PRKAR2A: variants seen among roughly 807,000 people sequenced by gnomAD.
The protein encoded by PRKAR2A is cAMP-dependent protein kinase type II-alpha regulatory subunit.
In PRKAR2A, 29 loss-of-function variants were observed where a neutral mutation model predicts 51.9. The ratio of observed to expected loss-of-function variants is 0.56; its 90% confidence interval spans 0.42 to 0.76. PRKAR2A has a LOEUF of 0.76. Among genes scored for constraint, PRKAR2A ranks in the 30% least tolerant of loss-of-function variants. The pLI, the probability that PRKAR2A is intolerant of heterozygous loss-of-function variation, is 0.00. For missense variants in PRKAR2A, 445 were observed against 512.1 expected, an observed-to-expected ratio of 0.87 and a Z score of 1.26; for synonymous variants, 178 against 186.2, an observed-to-expected ratio of 0.96 and a Z score of 0.36.
chr3:48,779,899 T>G (rs1255398386), intron 5 of PRKAR2A, among the ~76,000 whole-genome samples: 7 of 151,674 alleles, frequency 4.6e-5, no homozygotes, highest in Non-Finnish European at 1.5e-5. Context: ...CGGTGGCTCA[T>G]GCCTGTAATC....
chr3:48,792,455 C>CTTTTT (rs983032500), intron 3 of PRKAR2A, among the ~76,000 whole-genome samples: 27 of 66,824 alleles, frequency 4.0e-4, no homozygotes, highest in African/African-American at 5.6e-4. Context: ...AAGGTTTAAT[C>CTTTTT]TTTTTTTTTT....
intron 1 of PRKAR2A, among the ~76,000 whole-genome samples, chr3:48,829,539 G>A (rs1212235533): frequency 2.1e-5 from 3 of 142,624 alleles, no homozygotes; most frequent in Non-Finnish European, 3.1e-5. Context: ...AAATAAATAA[G>A]AAAAAAATAT....
At chr3:48,783,209 C>A (rs1366536504) in intron 4 of PRKAR2A, 117 bp from the exon 5 acceptor site, 8 of 678,510 alleles carry the variant, frequency 1.2e-5, no homozygotes, top group Non-Finnish European at 2.0e-5. Context: ...CAAGCAGAAA[C>A]CTAAAGGTTG....
chr3:48,767,043 A>C (rs931960434), intron 6 of PRKAR2A, among the ~76,000 whole-genome samples: 2 of 152,236 alleles, frequency 1.3e-5, no homozygotes, highest in Non-Finnish European at 2.9e-5. Flanking sequence ...ATATGTGTAC[A>C]CATGTGCAGG....
At chr3:48,779,862 T>C (rs1439882908) in intron 5 of PRKAR2A, among the ~76,000 whole-genome samples, 7 of 151,306 alleles carry the variant, frequency 4.6e-5, no homozygotes, top group Non-Finnish European at 7.4e-5. Context: ...TTTATAATTT[T>C]ATTTTAAAAC....
At chr3:48,831,727 ATG>A (rs2083191338) in intron 1 of PRKAR2A, among the ~76,000 whole-genome samples, 2 of 151,524 alleles carry the variant, frequency 1.3e-5, no homozygotes, top group African/African-American at 4.9e-5. Context: ...AGAAATTCTC[ATG>A]TCTCAGCCTC....
intron 6 of PRKAR2A, among the ~76,000 whole-genome samples, chr3:48,768,342 T>TAGATAGAC (rs766853501): frequency 1.3e-5 from 2 of 148,984 alleles, no homozygotes; most frequent in East Asian, 4.0e-4. Context: ...GATAGATAGA[T>TAGATAGAC]ATAGACAGAC....
intron 1 of PRKAR2A, among the ~76,000 whole-genome samples, chr3:48,835,639 C>CA (rs760971706): frequency 0.079 from 3,804 of 48,130 alleles, 108 homozygotes; most frequent in African/African-American, 0.096. Context: ...GACTCCGTCT[C>CA]AAAAAAAAAA....
At chr3:48,832,093 A>G (rs2083198150) in intron 1 of PRKAR2A, among the ~76,000 whole-genome samples, 1 of 152,092 alleles carries the variant, frequency 6.6e-6, no homozygotes, top group African/African-American at 2.4e-5. Flanking sequence ...CAGGAGTTCG[A>G]GACCAGCCTA....
At chr3:48,768,919 T>C (rs1575852067) in intron 6 of PRKAR2A, among the ~76,000 whole-genome samples, 1 of 151,818 alleles carries the variant, frequency 6.6e-6, no homozygotes, top group African/African-American at 2.4e-5. Context: ...GCCAACATGG[T>C]GAATTCCCAT....
At chr3:48,833,568 T>C (rs1028827668) in intron 1 of PRKAR2A, among the ~76,000 whole-genome samples, 1 of 146,368 alleles carries the variant, frequency 6.8e-6, no homozygotes, top group African/African-American at 2.5e-5. Flanking sequence ...ATTAGCCGGA[T>C]GTGGTGTCAG....
rs574927561 is a variant in PRKAR2A, at chr3:48,758,427, C to CA, written c.874-1984dup. Among the ~76,000 whole-genome samples, 252 of 146,696 alleles carry CA rather than the reference C, an allele frequency of 1.7e-3. 4 individuals carry two copies. Among genetic ancestry groups the CA allele is most frequent in the East Asian group, 3.3e-3 (16 of 4,840 alleles). On this transcript the variant is annotated intron_variant, in intron 8 of 10. Coordinates refer to ENST00000265563, the MANE Select transcript of PRKAR2A (RefSeq NM_004157.4). ...CGAAACCCCATCTCTACCTAAACTA[C>CA]AAAAAATTAGCCAGGCGTGGTGGTG...
At chr3:48,770,376 C>T (rs560957919) in intron 6 of PRKAR2A, among the ~76,000 whole-genome samples, 1 of 152,218 alleles carries the variant, frequency 6.6e-6, no homozygotes, top group African/African-American at 2.4e-5. Flanking sequence ...AAAGAGACTA[C>T]GTATAGGGGC....
At chr3:48,752,507 T>G (rs943698301) in intron 9 of PRKAR2A, among the ~76,000 whole-genome samples, 190 bp from the exon 10 acceptor site, 3 of 152,164 alleles carry the variant, frequency 2.0e-5, no homozygotes, top group South Asian at 2.1e-4. Flanking sequence ...ATCAGAAAAG[T>G]CTGCTTTTTA....
At chr3:48,828,726 A>AAAAG (rs1559645530) in intron 1 of PRKAR2A, among the ~76,000 whole-genome samples, 2 of 151,084 alleles carry the variant, frequency 1.3e-5, no homozygotes, top group Admixed American at 6.6e-5. Context: ...AAAAAAAAAA[A>AAAAG]AAAGAAAGAA....
chr3:48,769,723 C>T (rs1057115744), intron 6 of PRKAR2A, among the ~76,000 whole-genome samples: 1 of 152,002 alleles, frequency 6.6e-6, no homozygotes, highest in African/African-American at 2.4e-5. Flanking sequence ...GTGATCTGCC[C>T]ACCTTGGCCT....
chr3:48,842,841 T>C (rs1309760566), intron 1 of PRKAR2A, among the ~76,000 whole-genome samples: 1 of 152,246 alleles, frequency 6.6e-6, no homozygotes, highest in Non-Finnish European at 1.5e-5. Flanking sequence ...GATTTCTGCA[T>C]CAATGTTCAC....
intron 2 of PRKAR2A, among the ~76,000 whole-genome samples, chr3:48,797,419 C>G (rs1245265359): frequency 6.6e-6 from 1 of 152,010 alleles, no homozygotes; most frequent in Non-Finnish European, 1.5e-5. Flanking sequence ...TCCACCACGC[C>G]CAGCCCCACT....
chr3:48,766,298 T>C (rs529566121), intron 6 of PRKAR2A, among the ~76,000 whole-genome samples: 5 of 152,216 alleles, frequency 3.3e-5, no homozygotes, highest in Admixed American at 2.0e-4. Flanking sequence ...ACAGGTGCAG[T>C]GGCTCACACC....
Sources: gnomAD v4.1 joint callset for allele counts (sites outside exome capture counted in the v4.1 genomes callset) on GRCh38, gnomAD v4.1.1 for gene constraint, MANE v1.5 for transcripts, NCBI Gene and HGNC (gene_info 2026-07-23, HGNC 2026-07-21) for gene names.